RASGRF1: variants seen among roughly 807,000 people sequenced by gnomAD.
The protein encoded by RASGRF1 is ras-specific guanine nucleotide-releasing factor 1.
A neutral mutation model predicts 138.7 loss-of-function variants in RASGRF1; 40 were observed. The ratio of observed to expected loss-of-function variants is 0.29; its 90% CI spans 0.22 to 0.38. The LOEUF (loss-of-function observed/expected upper bound fraction) is 0.38. Among genes scored for constraint, RASGRF1 ranks in the 10% least tolerant of loss-of-function variants. The pLI is 1.00. For missense variants in RASGRF1, 1,108 were observed against 1,650.4 expected (o/e 0.67, Z 5.69); for synonymous variants, 614 against 663.2 (o/e 0.93, Z 1.14).
chr15:79,090,596 C>T lies in RASGRF1; in HGVS notation c.-98G>A. 2.6e-6 allele frequency: 4 copies of T among 1,520,252 alleles called. No individual in the cohort carries two copies. The highest frequency in any genetic ancestry group is 3.6e-6 in the Non-Finnish European group (4 of 1,125,690). 94.2% of individuals were successfully genotyped at this position (1,520,252 alleles called of 1,614,324 possible). ...GCGCGCTGCCTCTCTCTGGCGCTCG[C>T]TCGCTCGCTCCCTCTAGCTCTCCCC... On this transcript the variant is annotated 5_prime_UTR_variant, in exon 1 of 27. Transcript: ENST00000558480.
At chr15:79,069,851 T>C (rs1393775332) in intron 1 of RASGRF1, among the ~76,000 whole-genome samples, 4 of 152,174 alleles carry the variant, frequency 2.6e-5, no homozygotes, top group Non-Finnish European at 5.9e-5. Context: ...TTCACAGACA[T>C]TATAATTATT....
intron 15 of RASGRF1, 22 bp from the exon 16 acceptor site, chr15:79,001,809 A>C: frequency 7.2e-7 from 1 of 1,384,720 alleles, no homozygotes; most frequent in Non-Finnish European, 9.5e-7. Flanking sequence ...GAAATAAATA[A>C]TTTTACTTTT....
In RASGRF1 at chr15:79,086,143, C is replaced by T. The variant is rs138508238; in HGVS notation, c.276+4080G>A. On this transcript the variant is annotated intron_variant, in intron 1 of 26. Coordinates refer to ENST00000558480, the MANE Select transcript of RASGRF1 (RefSeq NM_001145648.3). Reference sequence around the variant, plus strand: ...CGGGTTGGGTAGTCTTGCTGGTTTCCTATAGGTGCAAGCATCTTACATTCT... The same window carrying T: ...CGGGTTGGGTAGTCTTGCTGGTTTCTTATAGGTGCAAGCATCTTACATTCT... 8.0e-4 allele frequency among the ~76,000 whole-genome samples: 122 copies of T among 152,288 alleles called. 2 individuals are homozygous for T. Among genetic ancestry groups the T allele is most frequent in the African/African-American group, 2.8e-3 (118 of 41,564 alleles).
intron 14 of RASGRF1, chr15:79,004,633 C>A: frequency 6.1e-6 from 6 of 987,722 alleles, no homozygotes; most frequent in Non-Finnish European, 7.2e-6. Context: ...CTACTCTAAA[C>A]GCAGGGTCCT....
chr15:79,027,592 G>T lies in RASGRF1; in HGVS notation c.1381+149C>A. On this transcript the variant is annotated intron_variant, in intron 9 of 26. Transcript: ENST00000558480. The surrounding 1 kb of genome is among the most constrained non-coding windows in gnomAD (Gnocchi z 4.8). ...CATCTACATATAGCTGTTGCATTCC[G>T]CCAGCAGCCTGGGAATATTCTGCAA... 1.5e-6 allele frequency: 1 copy of T among 660,860 alleles called. No homozygotes were observed. Among genetic ancestry groups the T allele is most frequent in the Non-Finnish European group, 2.7e-6 (1 of 376,300 alleles). The allele number at this position is 660,860 out of a possible 1,614,324, so 40.9% of individuals were successfully genotyped here. A position where few individuals can be genotyped will look rare whatever the true frequency, so the allele number is the denominator to read the frequency against.
chr15:79,043,084 C>A (rs1477467817), intron 5 of RASGRF1, among the ~76,000 whole-genome samples: 1 of 152,144 alleles, frequency 6.6e-6, no homozygotes, highest in East Asian at 1.9e-4. Flanking sequence ...GGAGAGGAAC[C>A]AGCCTCGTCA....
At chr15:79,039,978 G>A (rs546154592) in intron 5 of RASGRF1, among the ~76,000 whole-genome samples, 45 of 152,162 alleles carry the variant, frequency 3.0e-4, no homozygotes, top group Middle Eastern at 6.8e-3. Context: ...TATGTTGCCC[G>A]GGCTGGCCTT....
At position 78,961,170 on chromosome 15, in the gene RASGRF1, A is replaced by C. The variant is rs1340443262; in HGVS notation, c.*974T>G. 1 of 152,248 alleles carries C rather than the reference A, an allele frequency of 6.6e-6. No individual in the cohort carries two copies. The highest frequency in any genetic ancestry group is 2.1e-4 in the South Asian group (1 of 4,832). The allele number at this position is 152,248 out of a possible 1,614,324, so 9.4% of individuals were successfully genotyped here. ...GTAATATTCACAGAATAAGCACTAC[A>C]TTACTATATTCCTGCTAGAAGGCAT... On this transcript the variant is annotated 3_prime_UTR_variant, in exon 27 of 27. Transcript: ENST00000558480.
chr15:78,991,340 T>C (rs982684261), intron 21 of RASGRF1, among the ~76,000 whole-genome samples: 5 of 152,046 alleles, frequency 3.3e-5, no homozygotes, highest in Admixed American at 6.6e-5. Flanking sequence ...CTACTGGAGG[T>C]CACTGGACCT....
At chr15:79,072,494 C>T (rs2057775258) in intron 1 of RASGRF1, among the ~76,000 whole-genome samples, 1 of 151,850 alleles carries the variant, frequency 6.6e-6, no homozygotes, top group African/African-American at 2.4e-5. Context: ...CCAGGATGGT[C>T]TTGATCTCCT....
At chr15:79,001,494 C>CG (rs2056523975) in intron 16 of RASGRF1, among the ~76,000 whole-genome samples, 168 bp downstream of exon 16, 1 of 104,066 alleles carries the variant, frequency 9.6e-6, no homozygotes, top group African/African-American at 3.6e-5. Context: ...CTTGGGGTGG[C>CG]GGGGGGCGGG....
intron 3 of RASGRF1, among the ~76,000 whole-genome samples, chr15:79,052,187 C>T (rs2093854506): frequency 6.6e-6 from 1 of 152,314 alleles, no homozygotes; most frequent in South Asian, 2.1e-4. Flanking sequence ...TAGAGGCAAA[C>T]TGTCACTTGC....
In RASGRF1 at chr15:78,960,899, C is replaced by G. The variant is rs1313447520; in HGVS notation, c.*1245G>C. 1 of 152,188 alleles carries G rather than the reference C, an allele frequency of 6.6e-6. No individual in the cohort carries two copies. The highest frequency in any genetic ancestry group is 2.4e-5 in the African/African-American group (1 of 41,452). 9.4% of individuals were successfully genotyped at this position (152,188 alleles called of 1,614,324 possible). ...ACTGAACGAATGAAACCCATCAAAACTCGCTGTTCACCCTGAGATAGAATA... is the reference window on the plus strand; with the variant it reads ...ACTGAACGAATGAAACCCATCAAAAGTCGCTGTTCACCCTGAGATAGAATA... On this transcript the variant is annotated 3_prime_UTR_variant, in exon 27 of 27. Coordinates refer to ENST00000558480, the MANE Select transcript of RASGRF1 (RefSeq NM_001145648.3).
chr15:79,081,717 G>T (rs181796965), intron 1 of RASGRF1, among the ~76,000 whole-genome samples: 1 of 152,112 alleles, frequency 6.6e-6, no homozygotes, highest in Non-Finnish European at 1.5e-5. Context: ...CTGTCCCCTC[G>T]CTGTATGGCA....
intron 26 of RASGRF1, among the ~76,000 whole-genome samples, chr15:78,966,559 A>G (rs752041814): frequency 4.6e-5 from 7 of 151,920 alleles, no homozygotes; most frequent in Non-Finnish European, 1.0e-4. Flanking sequence ...TTATTTTTAA[A>G]TTGTATTTTT....
chr15:79,069,122 G>A (rs1298695923), intron 1 of RASGRF1, among the ~76,000 whole-genome samples: 1 of 152,158 alleles, frequency 6.6e-6, no homozygotes, highest in African/African-American at 2.4e-5. Flanking sequence ...CTCAGGGCCA[G>A]GGCTTGTACC....
chr15:78,973,096 G>A lies in RASGRF1; in HGVS notation c.3612+207C>T, dbSNP rs370809693. Among the ~76,000 whole-genome samples the A allele has an allele frequency of 9.2e-5, 14 of 152,182 alleles. No individual in the cohort carries two copies. The highest frequency in any genetic ancestry group is 3.1e-4 in the African/African-American group (13 of 41,446). On this transcript the variant is annotated intron_variant, in intron 25 of 26. Transcript: ENST00000558480. This position sits in a 1 kb window ranked among gnomAD's most constrained non-coding sequence, Gnocchi z 4.9. ...TGTCAGGACTAGAGGAGGAAATGCC[G>A]GTGAAAGCATGGCTCAGGGCCTGCC...
chr15:79,064,352 C>A, intron 2 of RASGRF1, 68 bp downstream of exon 2: 17 of 1,468,612 alleles, frequency 1.2e-5, no homozygotes, highest in Non-Finnish European at 1.6e-5. Flanking sequence ...GTTCAAAGGC[C>A]CTTGGGTCTG....
At chr15:79,052,636 G>A (rs2057448369) in intron 3 of RASGRF1, among the ~76,000 whole-genome samples, 1 of 152,252 alleles carries the variant, frequency 6.6e-6, no homozygotes, top group Admixed American at 6.5e-5. Flanking sequence ...TGTACCCACT[G>A]CCATGGGAGA....
Sources: gnomAD v4.1 joint callset for allele counts (sites outside exome capture counted in the v4.1 genomes callset) on GRCh38, gnomAD v4.1.1 for gene constraint, Gnocchi (gnomAD v3.1) non-coding constraint, MANE v1.5 for transcripts, NCBI Gene and HGNC (gene_info 2026-07-23, HGNC 2026-07-21) for gene names.